Variants in POU2F1 observed in about 807,000 individuals in gnomAD.
The protein encoded by POU2F1 is POU class 2 homeobox 1.
A neutral mutation model predicts 84.9 loss-of-function variants in POU2F1; 16 were observed. The observed-to-expected ratio is 0.19, with a 90% confidence interval of 0.13 to 0.29. POU2F1 has a LOEUF of 0.29. Ranked by LOEUF, POU2F1 falls within the 10% of genes least tolerant of loss-of-function variation. The pLI is 1.00. For missense variants in POU2F1, 738 were observed against 942.6 expected (o/e 0.78, Z 2.84); for synonymous variants, 368 against 368.3 (o/e 1.00, Z 0.01).
At chr1:167,398,278 A>G (rs1185842174) in intron 11 of POU2F1, 145 bp downstream of exon 11, 1 of 1,009,884 alleles carries the variant, frequency 9.9e-7, no homozygotes, top group Non-Finnish European at 1.4e-6. Context: ...TAAGTAAGTT[A>G]CTAACATAGG....
intron 1 of POU2F1, among the ~76,000 whole-genome samples, chr1:167,314,977 G>T (rs1239633717): frequency 6.6e-6 from 1 of 152,066 alleles, no homozygotes. Context: ...ATTTTAAAGT[G>T]TATGGCAACC....
intron 1 of POU2F1, among the ~76,000 whole-genome samples, chr1:167,221,213 A>G (rs1485631194): frequency 6.7e-6 from 1 of 149,296 alleles, no homozygotes; most frequent in African/African-American, 2.5e-5. Context: ...CACCCGGCCC[A>G]CCCCGCCGCC....
At chr1:167,316,599 A>G (rs921698436) in intron 1 of POU2F1, among the ~76,000 whole-genome samples, 3 of 152,246 alleles carry the variant, frequency 2.0e-5, no homozygotes, top group African/African-American at 4.8e-5. Flanking sequence ...AGTCTGAAGA[A>G]TAATTAACTT....
intron 1 of POU2F1, among the ~76,000 whole-genome samples, chr1:167,313,941 G>A (rs935797495): frequency 4.6e-5 from 7 of 152,188 alleles, no homozygotes; most frequent in African/African-American, 1.7e-4. Context: ...TAGAACACCT[G>A]TAATCCCAGA....
intron 1 of POU2F1, chr1:167,329,166 T>G (rs1179665127): frequency 6.9e-7 from 1 of 1,459,346 alleles, no homozygotes; most frequent in East Asian, 2.7e-5. Context: ...TCTTTTCGCT[T>G]AAGAACATAC....
intron 1 of POU2F1, among the ~76,000 whole-genome samples, chr1:167,255,396 A>G (rs550920341): frequency 1.6e-4 from 25 of 152,336 alleles, no homozygotes; most frequent in African/African-American, 5.8e-4. Flanking sequence ...ATGTGAACAA[A>G]AAGAGAGAGG....
At chr1:167,378,094 C>T (rs1419862517) in intron 7 of POU2F1, among the ~76,000 whole-genome samples, 1 of 152,222 alleles carries the variant, frequency 6.6e-6, no homozygotes, top group Non-Finnish European at 1.5e-5. Flanking sequence ...TATCAAATGG[C>T]AATTCTAAGT....
chr1:167,298,812 C>G (rs1203137719), intron 1 of POU2F1, among the ~76,000 whole-genome samples: 6 of 152,050 alleles, frequency 3.9e-5, no homozygotes, highest in Admixed American at 3.9e-4. Flanking sequence ...ATCTGTGTGT[C>G]TCTGGTCACT....
chr1:167,406,503 C>T (rs1649584387), intron 13 of POU2F1, among the ~76,000 whole-genome samples: 2 of 151,962 alleles, frequency 1.3e-5, no homozygotes, highest in African/African-American at 4.8e-5. Context: ...TGATTAACAT[C>T]GTCCTGGAGG....
chr1:167,380,796 A>G (rs938728580), intron 7 of POU2F1: 3 of 152,194 alleles, frequency 2.0e-5, no homozygotes, highest in Non-Finnish European at 2.9e-5. Context: ...GATGTAGTTC[A>G]TATTTTTGGT....
At chr1:167,321,085 C>G (rs1045893253) in intron 1 of POU2F1, among the ~76,000 whole-genome samples, 2 of 152,136 alleles carry the variant, frequency 1.3e-5, no homozygotes, top group African/African-American at 4.8e-5. Flanking sequence ...TATAATTAAA[C>G]CAGCATGAAA....
chr1:167,347,926 C>A (rs1658304446), intron 2 of POU2F1, among the ~76,000 whole-genome samples: 4 of 152,112 alleles, frequency 2.6e-5, no homozygotes, highest in Admixed American at 2.6e-4. Context: ...TTGTTGGTGT[C>A]CCTTTGTCTC....
intron 1 of POU2F1, among the ~76,000 whole-genome samples, chr1:167,273,724 C>T (rs1245586211): frequency 6.6e-6 from 1 of 152,204 alleles, no homozygotes; most frequent in Non-Finnish European, 1.5e-5. Flanking sequence ...ACTGGGAGCT[C>T]TCATAGGCTT....
At chr1:167,305,191 ATT>A (rs112884443) in intron 1 of POU2F1, among the ~76,000 whole-genome samples, 1 of 142,760 alleles carries the variant, frequency 7.0e-6, no homozygotes, top group African/African-American at 2.6e-5. Context: ...AATGTAGGCA[ATT>A]TTTTTTTTTT....
rs537094526 is a variant in POU2F1, at chr1:167,356,545, G to A, written c.128-8922G>A. ...ATATCCAAGTTTCACAGCATCAAAT[G>A]TGTTACCGGTAGAAGGTATTTGAGT... On this transcript the variant is annotated intron_variant, in intron 2 of 15. Transcript: ENST00000367866. Among the ~76,000 whole-genome samples the A allele has an allele frequency of 5.3e-5, 8 of 152,210 alleles. No homozygotes were observed. The South Asian group carries it at 1.0e-3, about 20-fold the overall frequency.
intron 2 of POU2F1, among the ~76,000 whole-genome samples, chr1:167,348,054 C>A (rs1658312759): frequency 6.6e-6 from 1 of 152,150 alleles, no homozygotes; most frequent in Non-Finnish European, 1.5e-5. Flanking sequence ...GGTATATAGT[C>A]ATGCATAACG....
chr1:167,348,326 A>G (rs73024239), intron 2 of POU2F1, among the ~76,000 whole-genome samples: 7 of 152,318 alleles, frequency 4.6e-5, no homozygotes, highest in South Asian at 4.1e-4. Flanking sequence ...ATGTCTTTAT[A>G]TGGTACGTGA....
intron 1 of POU2F1, among the ~76,000 whole-genome samples, chr1:167,281,210 A>T (rs1036051533): frequency 6.6e-6 from 1 of 152,172 alleles, no homozygotes; most frequent in Non-Finnish European, 1.5e-5. Flanking sequence ...AACTCTGTAA[A>T]ATATTTAAAG....
At chr1:167,236,482 A>C (rs1649464813) in intron 1 of POU2F1, among the ~76,000 whole-genome samples, 3 of 152,214 alleles carry the variant, frequency 2.0e-5, no homozygotes, top group Non-Finnish European at 4.4e-5. Context: ...TAGTTTTCAA[A>C]TGTACAACAA....
Sources: gnomAD v4.1 joint callset for allele counts (sites outside exome capture counted in the v4.1 genomes callset) on GRCh38, gnomAD v4.1.1 for gene constraint, MANE v1.5 for transcripts, NCBI Gene and HGNC (gene_info 2026-07-23, HGNC 2026-07-21) for gene names.